Variants in SLC38A6 observed in about 807,000 individuals in gnomAD.
SLC38A6 encodes solute carrier family 38 member 6.
In SLC38A6, 73 loss-of-function variants were observed where a neutral mutation model predicts 65.0. The observed-to-expected ratio is 1.12, with a 90% CI of 0.93 to 1.37. SLC38A6 has a LOEUF of 1.37. SLC38A6 is among the 40% of genes most tolerant of loss of function. The pLI, the probability that SLC38A6 is intolerant of heterozygous loss-of-function variation, is 0.00. For synonymous variants in SLC38A6, 183 were observed against 178.8 expected (o/e 1.02, Z -0.19); for missense variants, 561 against 531.1 (o/e 1.06, Z -0.55).
chr14:61,028,230 A>G (rs562460988), intron 5 of SLC38A6, among the ~76,000 whole-genome samples: 3 of 152,296 alleles, frequency 2.0e-5, no homozygotes, highest in African/African-American at 7.2e-5. Context: ...AAAATTACTG[A>G]AAGAGATGAA....
In SLC38A6 at chr14:60,995,246, A is replaced by G. The variant is rs113173545; in HGVS notation, c.310+10443A>G. On this transcript the variant is annotated intron_variant, in intron 3 of 15. Transcript: ENST00000267488. ...ACAACCTAAGTGTCAGTAAGTGAGT[A>G]TATAAAAAATTGTGATATGTACGTA... Among the ~76,000 whole-genome samples the G allele has an allele frequency of 8.5e-3, 1,302 of 152,334 alleles. 23 individuals carry two copies. Among genetic ancestry groups the G allele is most frequent in the African/African-American group, 0.03 (1,228 of 41,562 alleles).
chr14:61,043,390 A>G, intron 9 of SLC38A6, 60 bp from the exon 10 acceptor site: 1 of 1,317,566 alleles, frequency 7.6e-7, no homozygotes, highest in Non-Finnish European at 1.1e-6. Context: ...ATTTTTATTG[A>G]TATATTCTGA....
At chr14:61,061,775 C>A (rs1275922469) in intron 15 of SLC38A6, among the ~76,000 whole-genome samples, 1 of 152,122 alleles carries the variant, frequency 6.6e-6, no homozygotes, top group Non-Finnish European at 1.5e-5. Context: ...TGGTTGCTTC[C>A]AAGTCTTTGC....
At position 61,030,441 on chromosome 14, in the gene SLC38A6, G is replaced by C. The variant is rs1332684459; in HGVS notation, c.404-4G>C. The C allele has an allele frequency of 8.2e-6, 13 of 1,593,466 alleles. No homozygotes were observed. The highest frequency in any genetic ancestry group is 1.1e-5 in the Non-Finnish European group (13 of 1,170,398). Reference sequence around the variant, plus strand: ...TAATAGGAACACTATTTATTCTTTTGCAGCTATGTCATCTTATCTTTTAAT... The same window carrying C: ...TAATAGGAACACTATTTATTCTTTTCCAGCTATGTCATCTTATCTTTTAAT... On this transcript the variant is annotated splice_region_variant and splice_polypyrimidine_tract_variant and intron_variant, in intron 5 of 15. Transcript: ENST00000267488.
intron 3 of SLC38A6, among the ~76,000 whole-genome samples, chr14:61,005,183 C>A (rs550065070): frequency 4.1e-4 from 62 of 152,232 alleles, no homozygotes; most frequent in African/African-American, 1.4e-3. Context: ...GACGTATCTC[C>A]AAATTAGAAG....
chr14:61,051,427 C>A (rs984650927), intron 13 of SLC38A6, among the ~76,000 whole-genome samples: 2 of 151,986 alleles, frequency 1.3e-5, no homozygotes, highest in Non-Finnish European at 2.9e-5. Context: ...GGCATGATTT[C>A]TTTTTCTATT....
At chr14:61,012,284 A>G (rs1009314225) in intron 3 of SLC38A6, among the ~76,000 whole-genome samples, 2 of 151,486 alleles carry the variant, frequency 1.3e-5, no homozygotes, top group South Asian at 2.1e-4. Flanking sequence ...TTTCTTCTGT[A>G]TTAGTCTTGC....
chr14:61,046,254 A>T (rs2042142407), intron 12 of SLC38A6, 87 bp downstream of exon 12: 2 of 826,406 alleles, frequency 2.4e-6, no homozygotes, highest in African/African-American at 3.4e-5. Flanking sequence ...TATGCCTTTT[A>T]TTACTAAGTT....
chr14:61,049,770 A>G (rs719511), intron 12 of SLC38A6, among the ~76,000 whole-genome samples: 103,995 of 151,936 alleles, frequency 0.68, 35,773 homozygotes, highest in African/African-American at 0.7. Flanking sequence ...ACAAACTGAT[A>G]TTTTCCCACA....
intron 3 of SLC38A6, among the ~76,000 whole-genome samples, chr14:61,011,741 T>C (rs964176824): frequency 5.3e-5 from 8 of 152,128 alleles, no homozygotes; most frequent in East Asian, 1.9e-4. Flanking sequence ...CCGACTTGAT[T>C]ATGGTGGATA....
chr14:60,997,808 G>A (rs958736459), intron 3 of SLC38A6, among the ~76,000 whole-genome samples: 10 of 152,160 alleles, frequency 6.6e-5, no homozygotes, highest in African/African-American at 1.7e-4. Flanking sequence ...CCAGGTTTCC[G>A]GCTTGAGCCA....
intron 16 of SLC38A6, among the ~76,000 whole-genome samples, chr14:61,082,570 G>A (rs542643444): frequency 2.6e-5 from 4 of 152,264 alleles, no homozygotes; most frequent in East Asian, 1.9e-4. Flanking sequence ...TCATTACCCC[G>A]TAGTAGCATT....
intron 3 of SLC38A6, among the ~76,000 whole-genome samples, chr14:60,999,922 A>C (rs1042349364): frequency 6.6e-6 from 1 of 152,202 alleles, no homozygotes; most frequent in Non-Finnish European, 1.5e-5. Flanking sequence ...AGAAAGAATA[A>C]ATTTCTGTTG....
chr14:61,013,998 C>G (rs1381477958), intron 3 of SLC38A6, among the ~76,000 whole-genome samples: 1 of 152,198 alleles, frequency 6.6e-6, no homozygotes, highest in Non-Finnish European at 1.5e-5. Context: ...TAGTTCCATT[C>G]TCCCTATCAC....
intron 3 of SLC38A6, among the ~76,000 whole-genome samples, chr14:61,005,692 G>C (rs894730249): frequency 3.9e-5 from 6 of 152,096 alleles, no homozygotes; most frequent in South Asian, 2.1e-4. Flanking sequence ...AAGATACAAA[G>C]AAATGGAAGA....
intron 15 of SLC38A6, among the ~76,000 whole-genome samples, chr14:61,063,153 A>G (rs2042911278): frequency 6.6e-6 from 1 of 152,204 alleles, no homozygotes; most frequent in Non-Finnish European, 1.5e-5. Context: ...AAATTTATAT[A>G]CAAAATTGAT....
At chr14:61,052,655 T>C (rs954010366), downstream of SLC38A6, 8 of 395,960 alleles carry the variant, frequency 2.0e-5, no homozygotes, top group African/African-American at 4.3e-5. Flanking sequence ...CTTTTGTTTT[T>C]TAAATTAATA....
At chr14:60,991,836 G>A (rs1270441843) in intron 3 of SLC38A6, among the ~76,000 whole-genome samples, 1 of 152,158 alleles carries the variant, frequency 6.6e-6, no homozygotes, top group Non-Finnish European at 1.5e-5. Flanking sequence ...TTGAGGTCTA[G>A]GACGACTTGT....
At position 61,005,506 on chromosome 14, in the gene SLC38A6, A is replaced by G. The variant is rs960392508; in HGVS notation, c.311-10398A>G. Among the ~76,000 whole-genome samples, 14 of 150,628 alleles carry G rather than the reference A, an allele frequency of 9.3e-5. No homozygotes were observed. The East Asian group carries it at 2.5e-3, about 27-fold the overall frequency. ...AAGTCTCAGGATACAAAATCAATGT[A>G]CAAAAATCACAAGCATTCTTATACA... On this transcript the variant is annotated intron_variant, in intron 3 of 15. Transcript: ENST00000267488.
Sources: gnomAD v4.1 joint callset for allele counts (sites outside exome capture counted in the v4.1 genomes callset) on GRCh38, gnomAD v4.1.1 for gene constraint, MANE v1.5 for transcripts, NCBI Gene and HGNC (gene_info 2026-07-23, HGNC 2026-07-21) for gene names.